MARCHF11: variants seen among roughly 807,000 people sequenced by gnomAD.
MARCHF11 encodes the protein membrane associated ring-CH-type finger 11.
Under a neutral mutation model 37.3 loss-of-function variants are expected in MARCHF11, and 29 were observed. That is an observed-to-expected ratio of 0.78 (90% CI 0.58 to 1.06). MARCHF11 has a LOEUF of 1.06. Ranked by LOEUF, MARCHF11 falls within the 50% of genes least tolerant of loss-of-function variation. The probability of loss-of-function intolerance (pLI) is 0.00; values close to 1 mark genes in which losing one functional copy is unlikely to be tolerated. For synonymous variants in MARCHF11, 233 were observed against 228.0 expected (o/e 1.02, Z -0.20); for missense variants, 482 against 533.4 (o/e 0.90, Z 0.95).
At chr5:16,090,599 T>C (rs1161906432) in intron 3 of MARCHF11, among the ~76,000 whole-genome samples, 2 of 152,122 alleles carry the variant, frequency 1.3e-5, no homozygotes, top group Non-Finnish European at 1.5e-5. Context: ...ACTATCCTTA[T>C]ATCACTCACT....
intron 2 of MARCHF11, among the ~76,000 whole-genome samples, chr5:16,174,809 A>G (rs1379541240): frequency 6.6e-6 from 1 of 152,068 alleles, no homozygotes; most frequent in Non-Finnish European, 1.5e-5. Context: ...TTGGAAGCTA[A>G]CTCCTATGGG....
At chr5:16,091,967 G>A (rs1405882736) in intron 2 of MARCHF11, among the ~76,000 whole-genome samples, 4 of 152,106 alleles carry the variant, frequency 2.6e-5, no homozygotes, top group Non-Finnish European at 4.4e-5. Flanking sequence ...AAAACAACCC[G>A]CATAATTTAC....
Position 16,100,058 on chromosome 5 carries a change from A to G in MARCHF11, c.694-8977T>C, listed in dbSNP as rs16868112. On this transcript the variant is annotated intron_variant, in intron 2 of 3. Transcript: ENST00000332432. The stretch of plus-strand genomic sequence containing the variant: ...ATGTGCTCAGTATGATTTGCTGCTC[A>G]AGAGGAAGAAATTAAGCACCCTGAG... 8.3e-3 allele frequency among the ~76,000 whole-genome samples: 1,269 copies of G among 152,270 alleles called. 15 individuals carry two copies. Among genetic ancestry groups the G allele is most frequent in the African/African-American group, 0.029 (1,199 of 41,552 alleles).
At chr5:16,082,562 G>A (rs1028651991) in intron 3 of MARCHF11, among the ~76,000 whole-genome samples, 18 of 152,288 alleles carry the variant, frequency 1.2e-4, no homozygotes, top group African/African-American at 3.8e-4. Context: ...AAGCAGTTGT[G>A]CAAAGGTCGC....
intron 2 of MARCHF11, among the ~76,000 whole-genome samples, chr5:16,102,780 G>C (rs1736979590): frequency 6.6e-6 from 1 of 152,188 alleles, no homozygotes; most frequent in Admixed American, 6.5e-5. Flanking sequence ...CCACTGAGCT[G>C]TTTAATGGTT....
chr5:16,121,023 T>G (rs1296474947), intron 2 of MARCHF11, among the ~76,000 whole-genome samples: 2 of 152,230 alleles, frequency 1.3e-5, no homozygotes, highest in Non-Finnish European at 2.9e-5. Context: ...CTAACTGATA[T>G]ATCCCTCTTT....
At chr5:16,131,778 C>A (rs1737519119) in intron 2 of MARCHF11, among the ~76,000 whole-genome samples, 1 of 152,228 alleles carries the variant, frequency 6.6e-6, no homozygotes, top group Non-Finnish European at 1.5e-5. Context: ...AAGATCACTA[C>A]TTCGTGCTTA....
At chr5:16,140,563 C>T (rs1296194792) in intron 2 of MARCHF11, among the ~76,000 whole-genome samples, 1 of 152,092 alleles carries the variant, frequency 6.6e-6, no homozygotes, top group African/African-American at 2.4e-5. Context: ...ATGCTATTTA[C>T]AATACATATG....
At chr5:16,141,996 A>G (rs927709227) in intron 2 of MARCHF11, among the ~76,000 whole-genome samples, 5 of 152,220 alleles carry the variant, frequency 3.3e-5, no homozygotes, top group African/African-American at 1.2e-4. Flanking sequence ...AAAGGGCAGA[A>G]CAGAGCCAAC....
intron 2 of MARCHF11, among the ~76,000 whole-genome samples, chr5:16,160,993 C>T (rs1738066787): frequency 6.6e-6 from 1 of 151,916 alleles, no homozygotes; most frequent in South Asian, 2.1e-4. Flanking sequence ...GATGCTTGCT[C>T]CTGTAAACCC....
At chr5:16,166,155 C>G (rs1030325921) in intron 2 of MARCHF11, among the ~76,000 whole-genome samples, 3 of 152,058 alleles carry the variant, frequency 2.0e-5, no homozygotes, top group Non-Finnish European at 2.9e-5. Flanking sequence ...GCTCTTGTGT[C>G]CCTTTGATGA....
chr5:16,075,825 G>A (rs185110526), intron 3 of MARCHF11, among the ~76,000 whole-genome samples: 3 of 152,198 alleles, frequency 2.0e-5, no homozygotes, highest in Non-Finnish European at 4.4e-5. Flanking sequence ...TTGGTCTTTG[G>A]GGGTAACGGT....
chr5:16,166,891 ATG>A (rs3993864), intron 2 of MARCHF11, among the ~76,000 whole-genome samples: 77 of 149,382 alleles, frequency 5.2e-4, no homozygotes, highest in African/African-American at 1.4e-3. Flanking sequence ...AACCAACAGG[ATG>A]TGTGTGTGTG....
intron 2 of MARCHF11, among the ~76,000 whole-genome samples, chr5:16,167,399 T>C (rs1269482633): frequency 1.3e-5 from 2 of 152,090 alleles, no homozygotes; most frequent in African/African-American, 2.4e-5. Flanking sequence ...GTGTTTCAGC[T>C]GAAGTCCAAA....
At chr5:16,133,938 T>C (rs915045100) in intron 2 of MARCHF11, among the ~76,000 whole-genome samples, 5 of 152,038 alleles carry the variant, frequency 3.3e-5, no homozygotes, top group African/African-American at 1.2e-4. Context: ...TTAAGGGAAA[T>C]AATCAAAACT....
intron 3 of MARCHF11, among the ~76,000 whole-genome samples, chr5:16,075,070 G>A (rs533943643): frequency 6.6e-6 from 1 of 152,270 alleles, no homozygotes; most frequent in South Asian, 2.1e-4. Flanking sequence ...TTACTAATTG[G>A]CAGTGAATGA....
intron 3 of MARCHF11, among the ~76,000 whole-genome samples, chr5:16,069,519 CAG>C (rs1170038753): frequency 5.3e-5 from 8 of 151,988 alleles, no homozygotes; most frequent in African/African-American, 1.9e-4. Flanking sequence ...TCAAAAATAA[CAG>C]AGAATTTATT....
Position 16,067,280 on chromosome 5 carries a change from A to C in MARCHF11, c.*191T>G. The C allele has an allele frequency of 1.9e-6, 1 of 528,556 alleles. No individual in the cohort carries two copies. The highest frequency in any genetic ancestry group is 1.9e-5 in the African/African-American group (1 of 52,482). 32.7% of individuals were successfully genotyped at this position (528,556 alleles called of 1,614,324 possible). A position where few individuals can be genotyped will look rare whatever the true frequency, so the allele number is the denominator to read the frequency against. On this transcript the variant is annotated 3_prime_UTR_variant, in exon 4 of 4. Transcript: ENST00000332432. ...GTACCAACTTATAAAAGATGTGACA[A>C]ACCAGACAACGAAGAACAAGAGGAC...
At chr5:16,095,502 G>GAGGA (rs1736854490) in intron 2 of MARCHF11, among the ~76,000 whole-genome samples, 1 of 133,756 alleles carries the variant, frequency 7.5e-6, no homozygotes, top group Non-Finnish European at 1.6e-5. Flanking sequence ...GGGAGGGAGG[G>GAGGA]AGGGAGATCC....
Sources: gnomAD v4.1 joint callset for allele counts (sites outside exome capture counted in the v4.1 genomes callset) on GRCh38, gnomAD v4.1.1 for gene constraint, MANE v1.5 for transcripts, NCBI Gene and HGNC (gene_info 2026-07-23, HGNC 2026-07-21) for gene names.